FHOD3: variants seen among roughly 807,000 people sequenced by gnomAD.
The protein encoded by FHOD3 is formin homology 2 domain containing 3.
A neutral mutation model predicts 173.0 loss-of-function variants in FHOD3; 90 were observed. That is an observed-to-expected ratio of 0.52 (90% CI 0.44 to 0.62). The LOEUF (loss-of-function observed/expected upper bound fraction) is 0.62, where lower values mean the gene tolerates loss of function less well. Ranked by LOEUF, FHOD3 falls within the 20% of genes least tolerant of loss-of-function variation. FHOD3 has a pLI of 0.00. For missense variants in FHOD3, 1,945 were observed against 2,034.7 expected, an observed-to-expected ratio of 0.96 and a Z score of 0.85; for synonymous variants, 828 against 823.0, an observed-to-expected ratio of 1.01 and a Z score of -0.10.
At chr18:36,658,788 C>G (rs1479460038) in intron 14 of FHOD3, among the ~76,000 whole-genome samples, 1 of 152,226 alleles carries the variant, frequency 6.6e-6, no homozygotes, top group East Asian at 1.9e-4. Context: ...GTTACCCTCA[C>G]ATGGCAAGAG....
chr18:36,452,150 C>T (rs1367330602), intron 3 of FHOD3, among the ~76,000 whole-genome samples: 2 of 152,102 alleles, frequency 1.3e-5, no homozygotes, highest in African/African-American at 2.4e-5. Flanking sequence ...GAGGGTGCGT[C>T]TTGGCATTTT....
chr18:36,775,056 G>C (rs547184106), intron 28 of FHOD3, among the ~76,000 whole-genome samples: 3 of 152,116 alleles, frequency 2.0e-5, no homozygotes, highest in Non-Finnish European at 2.9e-5. Context: ...CAAGGAGGGC[G>C]TGAATGGACG....
intron 3 of FHOD3, among the ~76,000 whole-genome samples, chr18:36,441,708 G>A (rs569014460): frequency 2.9e-4 from 44 of 152,346 alleles, no homozygotes; most frequent in African/African-American, 8.9e-4. Context: ...TGTAATTGCC[G>A]TGATGCTCCT....
intron 1 of FHOD3, among the ~76,000 whole-genome samples, chr18:36,335,900 A>AG (rs1290139826): frequency 6.6e-6 from 1 of 152,148 alleles, no homozygotes; most frequent in Admixed American, 6.5e-5. Flanking sequence ...ACCTTCCATG[A>AG]GGGTGCATGA....
intron 11 of FHOD3, among the ~76,000 whole-genome samples, chr18:36,649,895 T>C (rs2035935684): frequency 6.6e-6 from 1 of 152,200 alleles, no homozygotes; most frequent in Non-Finnish European, 1.5e-5. Context: ...ACCCCATGCA[T>C]CATAGCAAAA....
At chr18:36,610,652 T>C (rs2032578519) in intron 8 of FHOD3, among the ~76,000 whole-genome samples, 1 of 152,222 alleles carries the variant, frequency 6.6e-6, no homozygotes, top group African/African-American at 2.4e-5. Flanking sequence ...AACGCCATTA[T>C]TCGAGTTATG....
intron 5 of FHOD3, among the ~76,000 whole-genome samples, chr18:36,558,529 A>G (rs74715697): frequency 0.074 from 11,225 of 152,304 alleles, 530 homozygotes; most frequent in South Asian, 0.21. Flanking sequence ...TACAAAATAT[A>G]TAAAACTTTT....
At chr18:36,359,375 TAGA>T (rs1173815107) in intron 2 of FHOD3, among the ~76,000 whole-genome samples, 1 of 152,336 alleles carries the variant, frequency 6.6e-6, no homozygotes. Flanking sequence ...CCTTCAAAAG[TAGA>T]AGGACAAAGC....
At chr18:36,539,997 C>T (rs2057142988) in intron 5 of FHOD3, among the ~76,000 whole-genome samples, 1 of 152,184 alleles carries the variant, frequency 6.6e-6, no homozygotes, top group South Asian at 2.1e-4. Context: ...TTCATGTCGC[C>T]TGTATTTAAA....
chr18:36,723,679 A>G (rs2040907729), intron 19 of FHOD3, among the ~76,000 whole-genome samples: 1 of 152,162 alleles, frequency 6.6e-6, no homozygotes, highest in Non-Finnish European at 1.5e-5. Context: ...GTCGCCTTTC[A>G]TGGAAGTGCT....
intron 28 of FHOD3, among the ~76,000 whole-genome samples, chr18:36,773,494 C>G (rs2043487363): frequency 1.3e-5 from 2 of 152,206 alleles, no homozygotes; most frequent in South Asian, 4.1e-4. Context: ...TGCACACATG[C>G]CCACAGCAGG....
At chr18:36,455,443 T>G (rs1309924404) in intron 3 of FHOD3, among the ~76,000 whole-genome samples, 1 of 152,240 alleles carries the variant, frequency 6.6e-6, no homozygotes, top group Non-Finnish European at 1.5e-5. Flanking sequence ...ATTTTTCTTT[T>G]GCTTTAATCC....
intron 9 of FHOD3, among the ~76,000 whole-genome samples, chr18:36,614,204 TTCTC>T (rs749269093): frequency 5.3e-5 from 8 of 152,170 alleles, no homozygotes; most frequent in Non-Finnish European, 7.4e-5. Context: ...GTAATCTACT[TTCTC>T]TCTCTATGGA....
At chr18:36,592,890 C>T (rs1279931072) in intron 6 of FHOD3, among the ~76,000 whole-genome samples, 6 of 152,108 alleles carry the variant, frequency 3.9e-5, no homozygotes, top group Non-Finnish European at 7.4e-5. Context: ...TATATGATGC[C>T]TGCTCAGGAG....
Position 36,718,333 on chromosome 18 carries a change from A to G in FHOD3, c.3035A>G (p.Asp1012Gly). Residue 1012 changes from aspartate (D) to glycine (G), a missense_variant, in exon 19 of 29, where the codon GAC becomes GGC. Coordinates refer to ENST00000590592, the MANE Select transcript of FHOD3 (RefSeq NM_001281740.3). Reference protein sequence around the residue: ...EEDDIDVLDVDLGHREAPGPP... With the variant: ...EEDDIDVLDVGLGHREAPGPP... ...GATGACATTGATGTCCTAGATGTGG[A>G]CCTGGGTCACAGGGAGGCCCCTGGG... 6.2e-7 allele frequency: 1 copy of G among 1,613,714 alleles called. No homozygotes were observed. Among genetic ancestry groups the G allele is most frequent in the Non-Finnish European group, 8.5e-7 (1 of 1,179,890 alleles).
At chr18:36,591,565 A>G (rs2059217666) in intron 6 of FHOD3, among the ~76,000 whole-genome samples, 1 of 152,212 alleles carries the variant, frequency 6.6e-6, no homozygotes, top group Non-Finnish European at 1.5e-5. Flanking sequence ...CTTAGAGGCA[A>G]CAGAGGCATA....
chr18:36,390,008 T>C (rs976459835), intron 3 of FHOD3, among the ~76,000 whole-genome samples: 1 of 152,196 alleles, frequency 6.6e-6, no homozygotes, highest in African/African-American at 2.4e-5. Flanking sequence ...GGTAAGGCTT[T>C]ATCCATCTGC....
intron 27 of FHOD3, among the ~76,000 whole-genome samples, chr18:36,767,666 G>T (rs892762689): frequency 2.0e-5 from 3 of 152,166 alleles, no homozygotes; most frequent in Non-Finnish European, 4.4e-5. Flanking sequence ...ATAGCCACAG[G>T]TTTTATGTAC....
intron 1 of FHOD3, among the ~76,000 whole-genome samples, chr18:36,304,728 T>C (rs75917322): frequency 0.028 from 4,293 of 152,324 alleles, 194 homozygotes; most frequent in African/African-American, 0.099. Flanking sequence ...CATAAACTAT[T>C]AGCTTAGTAA....
Sources: allele counts gnomAD v4.1 joint callset (sites outside exome capture counted in the v4.1 genomes callset), GRCh38; gene constraint gnomAD v4.1.1; transcripts MANE v1.5; gene names NCBI Gene and HGNC (gene_info 2026-07-23, HGNC 2026-07-21).